ULK4: variants seen among roughly 807,000 people sequenced by gnomAD.
ULK4 encodes unc-51 like kinase 4, also known as inactive serine/threonine-protein kinase ULK4.
A neutral mutation model predicts 160.6 loss-of-function variants in ULK4; 133 were observed. The ratio of observed to expected loss-of-function variants is 0.83; its 90% CI spans 0.72 to 0.96. The LOEUF (loss-of-function observed/expected upper bound fraction) is 0.96, where lower values mean the gene tolerates loss of function less well. Among genes scored for constraint, ULK4 ranks in the 40% least tolerant of loss-of-function variants. The pLI is 0.00. For missense variants in ULK4, 1,580 were observed against 1,499.5 expected, an observed-to-expected ratio of 1.05 and a Z score of -0.89; for synonymous variants, 534 against 539.8, an observed-to-expected ratio of 0.99 and a Z score of 0.15.
intron 30 of ULK4, among the ~76,000 whole-genome samples, chr3:41,626,391 T>C (rs2125697435): frequency 6.6e-6 from 1 of 152,320 alleles, no homozygotes; most frequent in East Asian, 1.9e-4. Flanking sequence ...AATTATTTAG[T>C]TGAGATTCAT....
intron 33 of ULK4, among the ~76,000 whole-genome samples, chr3:41,460,806 T>C (rs549094561): frequency 2.1e-4 from 32 of 152,284 alleles, no homozygotes; most frequent in African/African-American, 7.5e-4. Flanking sequence ...TAATTATATA[T>C]ATTTTATTCT....
chr3:41,249,382 G>T (rs1244873603), intron 36 of ULK4, 107 bp downstream of exon 36: 9 of 1,015,394 alleles, frequency 8.9e-6, no homozygotes, highest in South Asian at 1.6e-5. Context: ...GCTGGAAGGT[G>T]GTAGTCCCTG....
chr3:41,723,372 TC>T (rs2037542157), intron 22 of ULK4, among the ~76,000 whole-genome samples: 1 of 152,122 alleles, frequency 6.6e-6, no homozygotes, highest in Non-Finnish European at 1.5e-5. Context: ...TTCCTCTTTG[TC>T]CCCTTCTTTA....
chr3:41,579,784 G>A (rs960538343), intron 31 of ULK4, among the ~76,000 whole-genome samples: 14 of 152,042 alleles, frequency 9.2e-5, no homozygotes, highest in Admixed American at 2.6e-4. Context: ...GAGCCACCGC[G>A]CCCGGCCTGG....
intron 34 of ULK4, among the ~76,000 whole-genome samples, chr3:41,443,927 G>T (rs941120705): frequency 2.6e-5 from 4 of 151,752 alleles, no homozygotes; most frequent in African/African-American, 7.3e-5. Context: ...TCTACCCTAA[G>T]AATTGAATTT....
intron 32 of ULK4, among the ~76,000 whole-genome samples, chr3:41,470,038 A>C (rs1487822864): frequency 1.3e-5 from 2 of 148,564 alleles, no homozygotes; most frequent in African/African-American, 2.5e-5. Context: ...AAAAAAAAAA[A>C]AAAAAAAACA....
intron 6 of ULK4, 60 bp from the exon 7 acceptor site, chr3:41,918,600 T>G (rs1025748390): frequency 1.5e-6 from 1 of 657,646 alleles, no homozygotes; most frequent in Non-Finnish European, 2.2e-6. Flanking sequence ...TAATTCTTTT[T>G]TTTTTTTTTT....
At chr3:41,297,939 T>C (rs1264934740) in intron 35 of ULK4, among the ~76,000 whole-genome samples, 2 of 152,334 alleles carry the variant, frequency 1.3e-5, no homozygotes, top group East Asian at 1.9e-4. Context: ...TTAGCACCTA[T>C]AGGTCAAAGG....
At chr3:41,645,958 G>T (rs1256203359) in intron 30 of ULK4, among the ~76,000 whole-genome samples, 1 of 152,078 alleles carries the variant, frequency 6.6e-6, no homozygotes, top group Non-Finnish European at 1.5e-5. Flanking sequence ...GGCCTTCCTG[G>T]TCTCTTTTGA....
chr3:41,265,779 G>C (rs2079021329), intron 35 of ULK4, among the ~76,000 whole-genome samples: 1 of 152,190 alleles, frequency 6.6e-6, no homozygotes, highest in Admixed American at 6.5e-5. Context: ...CGAAGCCTTT[G>C]AGAGTCTGGC....
At chr3:41,502,188 A>T (rs2085233624) in intron 32 of ULK4, among the ~76,000 whole-genome samples, 1 of 152,214 alleles carries the variant, frequency 6.6e-6, no homozygotes. Context: ...TGGCACATGA[A>T]TTTCATTTCC....
chr3:41,897,680 C>T (rs1174615711), intron 14 of ULK4, among the ~76,000 whole-genome samples: 1 of 152,160 alleles, frequency 6.6e-6, no homozygotes, highest in African/African-American at 2.4e-5. Flanking sequence ...ATTAATAATA[C>T]TTTGCTTCAC....
At chr3:41,741,137 A>ATT (rs1369732661) in intron 22 of ULK4, among the ~76,000 whole-genome samples, 1 of 151,834 alleles carries the variant, frequency 6.6e-6, no homozygotes. Context: ...GTTTTTCTTC[A>ATT]TTTTATATAT....
intron 21 of ULK4, among the ~76,000 whole-genome samples, chr3:41,763,448 A>G (rs901106665): frequency 1.3e-5 from 2 of 152,224 alleles, no homozygotes; most frequent in African/African-American, 4.8e-5. Flanking sequence ...GATAGCAAAG[A>G]TAAACAAGAA....
At chr3:41,339,130 A>G (rs555992340) in intron 35 of ULK4, among the ~76,000 whole-genome samples, 3 of 152,096 alleles carry the variant, frequency 2.0e-5, no homozygotes, top group Non-Finnish European at 4.4e-5. Flanking sequence ...ACAAGCAGAA[A>G]GATGGGGCAT....
At chr3:41,659,633 A>G (rs1039957539) in intron 30 of ULK4, among the ~76,000 whole-genome samples, 19 of 152,104 alleles carry the variant, frequency 1.2e-4, no homozygotes, top group African/African-American at 4.3e-4. Context: ...CTTTGGAGGC[A>G]TAAAATAGTA....
chr3:41,823,576 C>G (rs2041222941), intron 18 of ULK4, among the ~76,000 whole-genome samples: 1 of 152,112 alleles, frequency 6.6e-6, no homozygotes, highest in Non-Finnish European at 1.5e-5. Flanking sequence ...GTCTGTAAGC[C>G]TGAAACCTTA....
chr3:41,782,374 G>T (rs147743712), intron 21 of ULK4, among the ~76,000 whole-genome samples: 1 of 152,160 alleles, frequency 6.6e-6, no homozygotes, highest in African/African-American at 2.4e-5. Context: ...GCATTATTTT[G>T]TAAGTGGCAT....
chr3:41,860,982 CAACTT>C (rs958456383), intron 17 of ULK4, among the ~76,000 whole-genome samples: 25 of 152,102 alleles, frequency 1.6e-4, no homozygotes, highest in Non-Finnish European at 8.8e-5. Context: ...AACCTGATAA[CAACTT>C]AACTCTACAT....
Sources: gnomAD v4.1 joint callset for allele counts (sites outside exome capture counted in the v4.1 genomes callset) on GRCh38, gnomAD v4.1.1 for gene constraint, MANE v1.5 for transcripts, NCBI Gene and HGNC (gene_info 2026-07-23, HGNC 2026-07-21) for gene names.